SUPT3H: variants seen among roughly 807,000 people sequenced by gnomAD.
SUPT3H encodes the protein SPT3 homolog, SAGA and STAGA complex component, also known as transcription initiation protein SPT3 homolog.
SUPT3H carries 44 observed loss-of-function variants against 44.3 expected under a neutral mutation model. That is an observed-to-expected ratio of 0.99 (90% confidence interval 0.78 to 1.28). SUPT3H has a LOEUF of 1.28. SUPT3H is among the 50% of genes most tolerant of loss of function. The pLI is 0.00. For synonymous variants in SUPT3H, 124 were observed against 125.6 expected (o/e 0.99, Z 0.09); for missense variants, 380 against 387.1 (o/e 0.98, Z 0.15).
intron 4 of SUPT3H, 95 bp from the exon 5 acceptor site, chr6:45,014,986 C>T (rs1203460448): frequency 8.0e-6 from 5 of 624,256 alleles, no homozygotes; most frequent in East Asian, 6.7e-5. Context: ...TAAACTTGTA[C>T]CCCATGATAT....
intron 2 of SUPT3H, among the ~76,000 whole-genome samples, chr6:45,332,999 C>A (rs919393553): frequency 1.8e-4 from 27 of 151,590 alleles, no homozygotes; most frequent in Non-Finnish European, 2.8e-4. Context: ...CATAAAACTC[C>A]CATAATAAAG....
intron 10 of SUPT3H, among the ~76,000 whole-genome samples, chr6:44,867,192 C>T (rs1421509638): frequency 1.3e-5 from 2 of 150,942 alleles, no homozygotes; most frequent in Non-Finnish European, 2.9e-5. Flanking sequence ...CACTCTGTCA[C>T]CCAGGTTGCA....
intron 11 of SUPT3H, among the ~76,000 whole-genome samples, chr6:44,809,935 A>G (rs571538048): frequency 3.3e-4 from 50 of 152,210 alleles, no homozygotes; most frequent in Non-Finnish European, 8.8e-5. Context: ...TCATCAGGCA[A>G]GAGTTACGAA....
rs537508141 is a variant in SUPT3H, at chr6:45,121,527, G to C, written c.102-15521C>G. 3.3e-5 allele frequency among the ~76,000 whole-genome samples: 5 copies of C among 151,936 alleles called. No homozygotes were observed. The East Asian group carries it at 5.8e-4, about 18-fold the overall frequency. On this transcript the variant is annotated intron_variant, in intron 2 of 10. Transcript: ENST00000371459. The stretch of plus-strand genomic sequence containing the variant: ...ACCCTATGAAATTATGTGGGGGGGG[G>C]GGTGGATTATCTAAGTATATCTTTC...
intron 6 of SUPT3H, among the ~76,000 whole-genome samples, chr6:44,994,929 T>G (rs1044251737): frequency 7.1e-6 from 1 of 141,486 alleles, no homozygotes; most frequent in Non-Finnish European, 1.5e-5. Flanking sequence ...TTTGAATTGG[T>G]TTTTTTTTTT....
intron 2 of SUPT3H, among the ~76,000 whole-genome samples, chr6:45,332,692 A>G (rs150868037): frequency 3.3e-5 from 5 of 151,942 alleles, no homozygotes; most frequent in Non-Finnish European, 7.4e-5. Flanking sequence ...CTACCTCTAT[A>G]GCATCTATTA....
intron 10 of SUPT3H, among the ~76,000 whole-genome samples, chr6:44,915,011 C>T (rs1486676923): frequency 6.6e-6 from 1 of 152,154 alleles, no homozygotes; most frequent in African/African-American, 2.4e-5. Flanking sequence ...CCCTGTATCA[C>T]CAGGAATTCC....
chr6:44,860,299 A>AC (rs1432904625), intron 10 of SUPT3H, among the ~76,000 whole-genome samples: 1 of 152,230 alleles, frequency 6.6e-6, no homozygotes, highest in African/African-American at 2.4e-5. Context: ...TTCACAATCA[A>AC]CTGCTTCATG....
At chr6:45,018,159 G>T (rs1784584963) in intron 4 of SUPT3H, among the ~76,000 whole-genome samples, 2 of 151,912 alleles carry the variant, frequency 1.3e-5, no homozygotes. Context: ...TCTGTTATTG[G>T]TGTATAAGAA....
chr6:45,338,560 T>C (rs967751338), intron 2 of SUPT3H, among the ~76,000 whole-genome samples: 8 of 152,074 alleles, frequency 5.3e-5, no homozygotes, highest in African/African-American at 1.9e-4. Flanking sequence ...TGTATTTCAG[T>C]GTCAAACAAG....
intron 6 of SUPT3H, among the ~76,000 whole-genome samples, chr6:44,973,092 T>C (rs1253975389): frequency 2.0e-5 from 3 of 152,238 alleles, no homozygotes; most frequent in Non-Finnish European, 4.4e-5. Flanking sequence ...ATCACGAGGC[T>C]GCAAATTTTC....
chr6:45,200,515 T>TA (rs1274049843), intron 2 of SUPT3H, among the ~76,000 whole-genome samples: 6 of 151,484 alleles, frequency 4.0e-5, no homozygotes, highest in African/African-American at 4.8e-5. Flanking sequence ...GTGCAGCTGG[T>TA]AAAAAAACTA....
intron 2 of SUPT3H, among the ~76,000 whole-genome samples, chr6:45,123,823 G>A (rs1802018430): frequency 6.6e-6 from 1 of 152,178 alleles, no homozygotes; most frequent in Non-Finnish European, 1.5e-5. Flanking sequence ...GTATAGCTAT[G>A]CTGCACTAAA....
chr6:45,295,566 A>T (rs978131653), intron 2 of SUPT3H, among the ~76,000 whole-genome samples: 1 of 150,568 alleles, frequency 6.6e-6, no homozygotes, highest in Non-Finnish European at 1.5e-5. Flanking sequence ...AGCAGAGTCA[A>T]CAGACAACCT....
At chr6:45,073,008 G>A (rs1242182777) in intron 3 of SUPT3H, among the ~76,000 whole-genome samples, 7 of 152,048 alleles carry the variant, frequency 4.6e-5, no homozygotes, top group Non-Finnish European at 1.0e-4. Flanking sequence ...ATTTCTTGAT[G>A]TTTTCTGATG....
At chr6:45,061,430 A>G (rs542668492) in intron 3 of SUPT3H, among the ~76,000 whole-genome samples, 44 of 152,246 alleles carry the variant, frequency 2.9e-4, no homozygotes, top group African/African-American at 9.9e-4. Flanking sequence ...GGAACAACAC[A>G]TGGGGCCTTT....
chr6:45,255,691 T>A (rs1333330047), intron 2 of SUPT3H, among the ~76,000 whole-genome samples: 1 of 152,062 alleles, frequency 6.6e-6, no homozygotes, highest in African/African-American at 2.4e-5. Context: ...CCAAAGTGGT[T>A]GGACTAAAAG....
At chr6:44,823,582 G>T (rs1368271080), downstream of SUPT3H, among the ~76,000 whole-genome samples, 1 of 152,160 alleles carries the variant, frequency 6.6e-6, no homozygotes, top group East Asian at 1.9e-4. Context: ...AGCTGCCACA[G>T]GTAGTTTTGC....
At chr6:44,887,968 C>A (rs940295121) in intron 10 of SUPT3H, among the ~76,000 whole-genome samples, 1 of 152,098 alleles carries the variant, frequency 6.6e-6, no homozygotes, top group Non-Finnish European at 1.5e-5. Flanking sequence ...ATACAAACTA[C>A]CATCAGAGAA....
Sources: gnomAD v4.1 joint callset for allele counts (sites outside exome capture counted in the v4.1 genomes callset) on GRCh38, gnomAD v4.1.1 for gene constraint, MANE v1.5 for transcripts, NCBI Gene and HGNC (gene_info 2026-07-23, HGNC 2026-07-21) for gene names.